DKK2: variants seen among roughly 807,000 people sequenced by gnomAD.
The protein encoded by DKK2 is dickkopf-related protein 2.
A neutral mutation model predicts 28.1 loss-of-function variants in DKK2; 11 were observed. The observed-to-expected ratio is 0.39, with a 90% CI of 0.25 to 0.65. The LOEUF is 0.65. Among genes scored for constraint, DKK2 ranks in the 30% least tolerant of loss-of-function variants. The probability of loss-of-function intolerance (pLI) is 0.47; values close to 1 mark genes in which losing one functional copy is unlikely to be tolerated. For missense variants in DKK2, 326 were observed against 335.5 expected (o/e 0.97, Z 0.22); for synonymous variants, 135 against 126.5 (o/e 1.07, Z -0.45).
At chr4:106,944,968 T>C (rs1724754842) in intron 1 of DKK2, among the ~76,000 whole-genome samples, 1 of 152,062 alleles carries the variant, frequency 6.6e-6, no homozygotes, top group Non-Finnish European at 1.5e-5. Flanking sequence ...TGTTTCCACA[T>C]TAAAATTGGA....
chr4:106,965,009 ATT>A (rs1459158343), intron 1 of DKK2, among the ~76,000 whole-genome samples: 125 of 151,896 alleles, frequency 8.2e-4, no homozygotes, highest in African/African-American at 1.9e-3. Flanking sequence ...AGATAGATTG[ATT>A]GATTCTGATT....
intron 1 of DKK2, among the ~76,000 whole-genome samples, chr4:106,956,132 A>G (rs1722586770): frequency 6.6e-6 from 1 of 152,338 alleles, no homozygotes; most frequent in East Asian, 1.9e-4. Context: ...ATACAATCTA[A>G]GAACTAATAT....
At position 106,924,714 on chromosome 4, in the gene DKK2, T is replaced by C; in HGVS notation, c.374-14A>G. The C allele has an allele frequency of 6.2e-7, 1 of 1,610,930 alleles. No homozygotes were observed. The highest frequency in any genetic ancestry group is 8.5e-7 in the Non-Finnish European group (1 of 1,178,264). On this transcript the variant is annotated splice_polypyrimidine_tract_variant and intron_variant, in intron 2 of 3. Transcript: ENST00000285311. Reference sequence around the variant, plus strand: ...GGATACAGATGCCTGGAGATGATCATATAATCAGTTAGACTAATTCAATTC... The same window carrying C: ...GGATACAGATGCCTGGAGATGATCACATAATCAGTTAGACTAATTCAATTC...
At position 107,008,366 on chromosome 4, in the gene DKK2, C is replaced by T. The variant is rs985152009; in HGVS notation, c.222+27004G>A. Among the ~76,000 whole-genome samples, 9 of 152,088 alleles carry T rather than the reference C, an allele frequency of 5.9e-5. 1 individual carries two copies. Among genetic ancestry groups the T allele is most frequent in the Admixed American group, 5.9e-4 (9 of 15,272 alleles). On this transcript the variant is annotated intron_variant, in intron 1 of 3. Coordinates refer to ENST00000285311, the MANE Select transcript of DKK2 (RefSeq NM_014421.3). Reference sequence around the variant, plus strand: ...TAATACTGACCAAAAATATTTAGAACAGCAATAATTATAATGAGGATAAAT... The same window carrying T: ...TAATACTGACCAAAAATATTTAGAATAGCAATAATTATAATGAGGATAAAT...
intron 3 of DKK2, 117 bp downstream of exon 3, chr4:106,924,428 T>C: frequency 7.5e-7 from 1 of 1,341,068 alleles, no homozygotes; most frequent in Non-Finnish European, 1.0e-6. Flanking sequence ...GTTTAATGAC[T>C]AGCTAGGATT....
chr4:107,010,413 T>C (rs1160265057), intron 1 of DKK2, among the ~76,000 whole-genome samples: 2 of 151,768 alleles, frequency 1.3e-5, no homozygotes, highest in African/African-American at 4.8e-5. Flanking sequence ...GATGTTTCAC[T>C]GTTATCAATT....
intron 1 of DKK2, among the ~76,000 whole-genome samples, chr4:106,969,380 A>G (rs1460534503): frequency 2.6e-5 from 4 of 151,732 alleles, no homozygotes; most frequent in Non-Finnish European, 5.9e-5. Flanking sequence ...CTGTAGTACT[A>G]ATGGTTCTCT....
chr4:106,968,606 TA>T (rs1722818024), intron 1 of DKK2, among the ~76,000 whole-genome samples: 1 of 129,058 alleles, frequency 7.7e-6, no homozygotes, highest in Admixed American at 7.5e-5. Context: ...GCAAACATTA[TA>T]TTTACTTTTA....
chr4:106,970,277 C>T (rs1446934567), intron 1 of DKK2, among the ~76,000 whole-genome samples: 1 of 152,086 alleles, frequency 6.6e-6, no homozygotes, highest in Non-Finnish European at 1.5e-5. Context: ...GATAGATAAG[C>T]ACTGCAGAAA....
chr4:106,924,377 C>A lies in DKK2; in HGVS notation c.529+168G>T, dbSNP rs183122845. On this transcript the variant is annotated intron_variant, in intron 3 of 3. Coordinates refer to ENST00000285311, the MANE Select transcript of DKK2 (RefSeq NM_014421.3). ...TGGCTCTGCCTCTTATCACATAAAT[C>A]TATTATGGTCTGTTTCCATTATTTG... 1.2e-5 allele frequency: 15 copies of A among 1,231,308 alleles called. No homozygotes were observed. In the African/African-American group the frequency reaches 1.4e-4, roughly 11 times the overall value. 76.3% of individuals were successfully genotyped at this position (1,231,308 alleles called of 1,614,324 possible).
chr4:106,964,430 A>ATC (rs1722737153), intron 1 of DKK2, among the ~76,000 whole-genome samples: 1 of 152,084 alleles, frequency 6.6e-6, no homozygotes, highest in Admixed American at 6.6e-5. Flanking sequence ...AAGAAATAAG[A>ATC]TCTAATGTTT....
In DKK2 at chr4:106,924,637, C is replaced by T. The variant is rs17037102; in HGVS notation, c.437G>A (p.Arg146Gln). ...ATGACCGTGGTTTCGATCTCTGTGCCGAGTACCATCCAGAGCCGGGATGTG... is the reference window on the plus strand; with the variant it reads ...ATGACCGTGGTTTCGATCTCTGTGCTGAGTACCATCCAGAGCCGGGATGTG... ...TPHIPALDGT[R>Q]HRDRNHGHYS... is the part of the protein sequence containing the mutation. The change falls in exon 3 of 4, where the codon CGG (arginine) becomes CAG (glutamine). Residue 146 changes from arginine (R) to glutamine (Q), a missense_variant. Coordinates refer to ENST00000285311, the MANE Select transcript of DKK2 (RefSeq NM_014421.3). 184,516 of 1,613,500 alleles carry T rather than the reference C, an allele frequency of 0.11. 13,599 individuals carry two copies. The highest frequency in any genetic ancestry group is 0.35 in the East Asian group (15,903 of 44,820).
intron 1 of DKK2, among the ~76,000 whole-genome samples, chr4:106,926,872 C>G (rs1333171657): frequency 3.3e-5 from 5 of 152,078 alleles, no homozygotes; most frequent in African/African-American, 1.2e-4. Context: ...TTTGTGCACC[C>G]CTTGCCTCTT....
chr4:106,997,849 C>T (rs970131196), intron 1 of DKK2, among the ~76,000 whole-genome samples: 1 of 151,984 alleles, frequency 6.6e-6, no homozygotes, highest in African/African-American at 2.4e-5. Context: ...CTTCTTTTTC[C>T]CTTTTATTGC....
intron 1 of DKK2, 135 bp downstream of exon 1, chr4:107,035,235 A>C (rs1018088292): frequency 1.9e-6 from 2 of 1,052,038 alleles, no homozygotes; most frequent in African/African-American, 3.2e-5. Flanking sequence ...TGTTCGGTGA[A>C]TCCCTCCCCA....
intron 1 of DKK2, among the ~76,000 whole-genome samples, chr4:107,018,209 G>A (rs1428215570): frequency 1.3e-5 from 2 of 152,022 alleles, no homozygotes; most frequent in Non-Finnish European, 1.5e-5. Context: ...AAATAGCATA[G>A]CCAAGTCATA....
intron 1 of DKK2, among the ~76,000 whole-genome samples, chr4:107,018,877 A>T (rs982250666): frequency 6.6e-6 from 1 of 152,042 alleles, no homozygotes; most frequent in Non-Finnish European, 1.5e-5. Flanking sequence ...CAATTTGGGG[A>T]GCTGAATTTC....
chr4:106,946,221 G>A (rs1396362020), intron 1 of DKK2, among the ~76,000 whole-genome samples: 1 of 151,566 alleles, frequency 6.6e-6, no homozygotes, highest in Non-Finnish European at 1.5e-5. Context: ...TCCATCTATT[G>A]GATATTTAAT....
chr4:106,980,951 A>G (rs1361382762), intron 1 of DKK2, among the ~76,000 whole-genome samples: 5 of 152,178 alleles, frequency 3.3e-5, no homozygotes, highest in Non-Finnish European at 7.4e-5. Flanking sequence ...TACAACAACA[A>G]TATGAAATAA....
Sources: gnomAD v4.1 joint callset for allele counts (sites outside exome capture counted in the v4.1 genomes callset) on GRCh38, gnomAD v4.1.1 for gene constraint, MANE v1.5 for transcripts, NCBI Gene and HGNC (gene_info 2026-07-23, HGNC 2026-07-21) for gene names.